WDR72: variants seen among roughly 807,000 people sequenced by gnomAD.
WDR72 encodes WD repeat-containing protein 72.
A neutral mutation model predicts 124.2 loss-of-function variants in WDR72; 120 were observed. The observed-to-expected ratio is 0.97, with a 90% CI of 0.83 to 1.12. The LOEUF (loss-of-function observed/expected upper bound fraction) is 1.12, where lower values mean the gene tolerates loss of function less well. WDR72 is among the 50% of genes most tolerant of loss of function. WDR72 has a pLI of 0.00. For missense variants in WDR72, 1,387 were observed against 1,278.8 expected (o/e 1.08, Z -1.29); for synonymous variants, 452 against 441.7 (o/e 1.02, Z -0.29).
chr15:53,761,350 C>T (rs879727496), upstream of WDR72, among the ~76,000 whole-genome samples: 9 of 152,084 alleles, frequency 5.9e-5, no homozygotes, highest in Non-Finnish European at 1.3e-4. Context: ...GAGAAGGGAA[C>T]CCTCATACAT....
intron 8 of WDR72, 52 bp from the exon 9 acceptor site, chr15:53,711,005 G>T (rs1187965021): frequency 5.4e-6 from 8 of 1,489,530 alleles, no homozygotes; most frequent in Non-Finnish European, 7.4e-6. Context: ...TTCTTTATTC[G>T]TTTTTTTTCC....
intron 6 of WDR72, 115 bp from the exon 7 acceptor site, chr15:53,713,006 A>G: frequency 8.6e-7 from 1 of 1,164,278 alleles, no homozygotes; most frequent in Non-Finnish European, 1.2e-6. Context: ...AACGAAAAGT[A>G]TCTGAGTTAC....
intron 1 of WDR72, chr15:53,756,810 G>A (rs1376340188): frequency 6.6e-6 from 1 of 152,180 alleles, no homozygotes; most frequent in Non-Finnish European, 1.5e-5. Context: ...ACTTGCCGAA[G>A]GTCAGAGCTA....
intron 13 of WDR72, among the ~76,000 whole-genome samples, chr15:53,676,000 C>T (rs1231224413): frequency 6.6e-6 from 1 of 152,172 alleles, no homozygotes; most frequent in African/African-American, 2.4e-5. Context: ...CTCCAGCAGG[C>T]ATGTCAGGAT....
intron 13 of WDR72, among the ~76,000 whole-genome samples, chr15:53,671,677 G>A (rs1773079265): frequency 6.6e-6 from 1 of 152,186 alleles, no homozygotes; most frequent in Non-Finnish European, 1.5e-5. Flanking sequence ...GGCCAACACT[G>A]CGAAAAGTGC....
chr15:53,746,031 G>A (rs1330509632), intron 1 of WDR72, among the ~76,000 whole-genome samples: 1 of 152,112 alleles, frequency 6.6e-6, no homozygotes, highest in African/African-American at 2.4e-5. Context: ...AGCAAAACAA[G>A]AGCAATAAAC....
chr15:53,693,233 A>C (rs2140507343), intron 13 of WDR72, among the ~76,000 whole-genome samples: 1 of 152,316 alleles, frequency 6.6e-6, no homozygotes, highest in African/African-American at 2.4e-5. Flanking sequence ...GGAATAGTAG[A>C]TGTTGTCTAC....
intron 1 of WDR72, among the ~76,000 whole-genome samples, chr15:53,757,375 C>G (rs1308173177): frequency 1.3e-5 from 2 of 152,136 alleles, no homozygotes; most frequent in Non-Finnish European, 2.9e-5. Context: ...GTAATCCCAA[C>G]ACTTTGGGAG....
chr15:53,710,720 C>T, intron 9 of WDR72, 137 bp downstream of exon 9: 2 of 737,010 alleles, frequency 2.7e-6, no homozygotes, highest in East Asian at 2.7e-5. Context: ...GATAATTAAA[C>T]TTGATTTTCT....
At chr15:53,755,329 G>A (rs1353305281) in intron 1 of WDR72, among the ~76,000 whole-genome samples, 1 of 152,046 alleles carries the variant, frequency 6.6e-6, no homozygotes, top group African/African-American at 2.4e-5. Context: ...GTGGCATAAC[G>A]GATTATTAGG....
At chr15:53,579,124 C>A (rs1014341868) in intron 18 of WDR72, among the ~76,000 whole-genome samples, 1 of 152,064 alleles carries the variant, frequency 6.6e-6, no homozygotes, top group Non-Finnish European at 1.5e-5. Context: ...TTAGAGTAGA[C>A]AAGTGCCAGG....
rs111707621 is a variant in WDR72, at chr15:53,569,105, T to C, written c.3148+27974A>G. ...GTTTTCTTTCCTTTCACAGGACTTA[T>C]GGTCTGTTTCTTTCTGCACATGAGA... On this transcript the variant is annotated intron_variant, in intron 18 of 19. Transcript: ENST00000360509. 1.7e-4 allele frequency among the ~76,000 whole-genome samples: 26 copies of C among 151,776 alleles called. 2 individuals are homozygous for C. The highest frequency in any genetic ancestry group is 6.0e-4 in the African/African-American group (25 of 41,472).
intron 18 of WDR72, among the ~76,000 whole-genome samples, chr15:53,565,734 A>G (rs574407595): frequency 2.0e-5 from 3 of 151,002 alleles, no homozygotes; most frequent in Non-Finnish European, 4.4e-5. Context: ...GCTAGTACCT[A>G]AGTCATTTCA....
chr15:53,560,405 T>C (rs547675156), intron 18 of WDR72, among the ~76,000 whole-genome samples: 2 of 152,060 alleles, frequency 1.3e-5, no homozygotes, highest in African/African-American at 4.8e-5. Flanking sequence ...TCAGATTCTT[T>C]ACTTGTCCTT....
At chr15:53,710,287 T>C (rs1247985401) in intron 9 of WDR72, among the ~76,000 whole-genome samples, 1 of 152,186 alleles carries the variant, frequency 6.6e-6, no homozygotes, top group Non-Finnish European at 1.5e-5. Context: ...TAACAATGTT[T>C]TGTCACACCA....
At chr15:53,609,120 A>G (rs574930211) in intron 17 of WDR72, among the ~76,000 whole-genome samples, 4 of 152,280 alleles carry the variant, frequency 2.6e-5, no homozygotes, top group South Asian at 4.1e-4. Context: ...CCCCATAAAT[A>G]TATATGACCA....
At chr15:53,707,649 TGTTAGC>T (rs2017420176) in intron 9 of WDR72, among the ~76,000 whole-genome samples, 1 of 152,068 alleles carries the variant, frequency 6.6e-6, no homozygotes, top group African/African-American at 2.4e-5. Flanking sequence ...GGTTTCACCG[TGTTAGC>T]CAGGATGGTC....
At chr15:53,750,784 G>A (rs980837717) in intron 1 of WDR72, among the ~76,000 whole-genome samples, 7 of 152,172 alleles carry the variant, frequency 4.6e-5, no homozygotes, top group Admixed American at 4.6e-4. Flanking sequence ...AATTCCAGTG[G>A]AGGAAGTAAC....
At position 53,665,640 on chromosome 15, in the gene WDR72, T is replaced by C. The variant is rs1222554606; in HGVS notation, c.1894A>G (p.Arg632Gly). 6.2e-7 allele frequency: 1 copy of C among 1,613,954 alleles called. No homozygotes were observed. The highest frequency in any genetic ancestry group is 2.2e-5 in the East Asian group (1 of 44,874). Reference protein sequence around the residue: ...ETLKHKSIEQRSSSPYQLGPL... With the variant: ...ETLKHKSIEQGSSSPYQLGPL... ...CCAAGCTGGTAGGGGCTGGAGGATC[T>C]CTGTTCTATACTTTTGTGCTTAAGT... The change falls in exon 14 of 20, where the codon AGA (arginine) becomes GGA (glycine). Residue 632 changes from arginine (R) to glycine (G), a missense_variant. Transcript: ENST00000360509.
Sources: allele counts gnomAD v4.1 joint callset (sites outside exome capture counted in the v4.1 genomes callset), GRCh38; gene constraint gnomAD v4.1.1; transcripts MANE v1.5; gene names NCBI Gene and HGNC (gene_info 2026-07-23, HGNC 2026-07-21).